Variants in RIMS2 observed in about 807,000 individuals in gnomAD.
RIMS2 encodes regulating synaptic membrane exocytosis protein 2.
A neutral mutation model predicts 174.4 loss-of-function variants in RIMS2; 59 were observed. The ratio of observed to expected loss-of-function variants is 0.34; its 90% CI spans 0.27 to 0.42. The LOEUF is 0.42. Among genes scored for constraint, RIMS2 ranks in the 10% least tolerant of loss-of-function variants. The pLI is 1.00. For missense variants in RIMS2, 1,620 were observed against 1,666.3 expected (o/e 0.97, Z 0.48); for synonymous variants, 606 against 572.5 (o/e 1.06, Z -0.84).
intron 3 of RIMS2, among the ~76,000 whole-genome samples, chr8:103,820,129 T>A (rs1399572027): frequency 1.3e-5 from 2 of 152,100 alleles, no homozygotes; most frequent in East Asian, 3.8e-4. Context: ...CGAATAATGC[T>A]TTGCATTAGG....
At chr8:103,568,235 T>C (rs1203804034) in intron 1 of RIMS2, among the ~76,000 whole-genome samples, 1 of 152,044 alleles carries the variant, frequency 6.6e-6, no homozygotes, top group Admixed American at 6.6e-5. Flanking sequence ...GAGGTCGAGG[T>C]GGCACTGATC....
chr8:103,586,408 A>G (rs2093923313), intron 1 of RIMS2, among the ~76,000 whole-genome samples: 1 of 152,294 alleles, frequency 6.6e-6, no homozygotes, highest in African/African-American at 2.4e-5. Flanking sequence ...TTCTCTGACT[A>G]CAGTGGAATA....
downstream of RIMS2, chr8:104,254,678 G>A (rs2099365643): frequency 6.6e-6 from 1 of 152,160 alleles, no homozygotes; most frequent in Admixed American, 6.6e-5. Flanking sequence ...GTTTCTTTCT[G>A]ATTAAATGAC....
At chr8:103,928,009 C>G (rs1362978224) in intron 11 of RIMS2, 1 of 705,490 alleles carries the variant, frequency 1.4e-6, no homozygotes, top group Non-Finnish European at 2.3e-6. Context: ...ATATTATTGA[C>G]TTTCAAATCA....
At chr8:103,831,110 A>G (rs1189368574) in intron 3 of RIMS2, among the ~76,000 whole-genome samples, 1 of 152,094 alleles carries the variant, frequency 6.6e-6, no homozygotes, top group African/African-American at 2.4e-5. Context: ...TGCCTGGATT[A>G]TGTTTTCTTG....
intron 13 of RIMS2, among the ~76,000 whole-genome samples, chr8:103,942,358 G>A (rs1277264137): frequency 6.6e-6 from 1 of 152,050 alleles, no homozygotes; most frequent in Non-Finnish European, 1.5e-5. Context: ...GTATTCCATG[G>A]TGTATATGTA....
At chr8:104,020,328 A>T (rs890423098) in intron 19 of RIMS2, among the ~76,000 whole-genome samples, 1 of 152,016 alleles carries the variant, frequency 6.6e-6, no homozygotes, top group Non-Finnish European at 1.5e-5. Context: ...TACTAATGGG[A>T]AAAAAGGCAA....
At chr8:104,235,557 A>G (rs2511583) in intron 19 of RIMS2, among the ~76,000 whole-genome samples, 28,391 of 151,786 alleles carry the variant, frequency 0.19, 2,910 homozygotes, top group Non-Finnish European at 0.23. Context: ...ATTTTGAAAT[A>G]TTTTAAATAT....
chr8:103,926,955 A>G (rs1257098933), intron 10 of RIMS2, among the ~76,000 whole-genome samples: 1 of 151,470 alleles, frequency 6.6e-6, no homozygotes, highest in Non-Finnish European at 1.5e-5. Flanking sequence ...CTGTCTTTAC[A>G]CTATCTTGCT....
rs2099310570 is a variant in RIMS2 at position 104,243,025 on chromosome 8, G to A, written c.3335-1891G>A. ...TATATCATTGATTCCAATGGAGGTT[G>A]CAAATTGGTAAATTTTGAATTTTAT... On this transcript the variant is annotated intron_variant, in intron 19 of 23. Transcript: ENST00000504942. 2.0e-5 allele frequency among the ~76,000 whole-genome samples: 3 copies of A among 152,106 alleles called. No individual in the cohort carries two copies. The South Asian group carries it at 6.2e-4, about 32-fold the overall frequency.
intron 16 of RIMS2, among the ~76,000 whole-genome samples, chr8:103,977,836 T>C (rs770653016): frequency 9.9e-5 from 15 of 152,242 alleles, no homozygotes; most frequent in Non-Finnish European, 1.9e-4. Context: ...TTATAAAAGA[T>C]ATTTTTAAAA....
chr8:104,230,003 G>A (rs558040278), intron 19 of RIMS2, among the ~76,000 whole-genome samples: 41 of 152,252 alleles, frequency 2.7e-4, no homozygotes, highest in African/African-American at 7.0e-4. Flanking sequence ...ATTTTGTGCC[G>A]GCATGCTGGC....
Position 104,027,574 on chromosome 8 carries a change from T to C in RIMS2, c.3334+12959T>C, listed in dbSNP as rs576578775. Among the ~76,000 whole-genome samples, 34 of 152,328 alleles carry C rather than the reference T, an allele frequency of 2.2e-4. No individual in the cohort carries two copies. In the East Asian group the frequency reaches 3.5e-3, roughly 16 times the overall value. ...GTAACTTAATCTTAGGAAGGTGATA[T>C]GATACAAGAGAAAGAGTGTAGTTCT... On this transcript the variant is annotated intron_variant, in intron 19 of 23. Transcript: ENST00000504942.
intron 3 of RIMS2, among the ~76,000 whole-genome samples, chr8:103,809,695 C>G (rs1250126220): frequency 6.6e-6 from 1 of 152,120 alleles, no homozygotes; most frequent in African/African-American, 2.4e-5. Flanking sequence ...GACTGGAATT[C>G]AGACTGAGGG....
intron 1 of RIMS2, among the ~76,000 whole-genome samples, chr8:103,667,959 A>G (rs1288732960): frequency 3.3e-5 from 5 of 152,204 alleles, no homozygotes; most frequent in African/African-American, 9.6e-5. Context: ...CCAGAAGACC[A>G]AATCTCTGAG....
At chr8:104,208,432 A>G (rs919895161) in intron 19 of RIMS2, among the ~76,000 whole-genome samples, 3 of 151,732 alleles carry the variant, frequency 2.0e-5, no homozygotes, top group African/African-American at 7.3e-5. Context: ...GCCGGGCGCA[A>G]TGGCGGGCAC....
intron 23 of RIMS2, 86 bp downstream of exon 29, chr8:104,251,249 CT>C: frequency 8.7e-7 from 1 of 1,146,034 alleles, no homozygotes; most frequent in Non-Finnish European, 1.2e-6. Flanking sequence ...CTGTTGTATT[CT>C]TTTATGTTCC....
intron 3 of RIMS2, among the ~76,000 whole-genome samples, chr8:103,783,283 A>C (rs972904394): frequency 5.9e-5 from 6 of 101,322 alleles, no homozygotes; most frequent in Admixed American, 2.0e-4. Context: ...TTTTTTTTTT[A>C]TTATACTTTA....
At chr8:104,017,260 C>T (rs1473543124) in intron 19 of RIMS2, among the ~76,000 whole-genome samples, 1 of 151,514 alleles carries the variant, frequency 6.6e-6, no homozygotes, top group Non-Finnish European at 1.5e-5. Flanking sequence ...TGGATTATCA[C>T]CTAAAAAGTT....
Sources: gnomAD v4.1 joint callset for allele counts (sites outside exome capture counted in the v4.1 genomes callset) on GRCh38, gnomAD v4.1.1 for gene constraint, MANE v1.5 for transcripts, NCBI Gene and HGNC (gene_info 2026-07-23, HGNC 2026-07-21) for gene names.